The following TMC7 variants were observed in gnomAD, a reference collection of about 807,000 sequenced individuals.
TMC7 encodes the protein transmembrane channel like 7.
Under a neutral mutation model 82.9 loss-of-function variants are expected in TMC7, and 54 were observed. That is an observed-to-expected ratio of 0.65 (90% CI 0.52 to 0.82). The LOEUF is 0.82. Among genes scored for constraint, TMC7 ranks in the 40% least tolerant of loss-of-function variants. The pLI, the probability that TMC7 is intolerant of heterozygous loss-of-function variation, is 0.00. For synonymous variants in TMC7, 350 were observed against 337.9 expected, an observed-to-expected ratio of 1.04 and a Z score of -0.39; for missense variants, 820 against 901.2, an observed-to-expected ratio of 0.91 and a Z score of 1.15.
At chr16:19,016,673 A>G (rs1959713437) in intron 3 of TMC7, 75 bp downstream of exon 3, 2 of 1,482,314 alleles carry the variant, frequency 1.3e-6, no homozygotes, top group Admixed American at 4.1e-5. Flanking sequence ...CTTCGTTTCC[A>G]CTAGGGTCTA....
intron 1 of TMC7, among the ~76,000 whole-genome samples, chr16:18,990,107 A>G (rs1415982514): frequency 6.6e-6 from 1 of 152,104 alleles, no homozygotes; most frequent in African/African-American, 2.4e-5. Context: ...AAGGGTGGGG[A>G]GAATTGCAAA....
At chr16:18,988,806 C>G (rs1450944862) in intron 1 of TMC7, among the ~76,000 whole-genome samples, 1 of 152,124 alleles carries the variant, frequency 6.6e-6, no homozygotes, top group African/African-American at 2.4e-5. Context: ...TCCCAGCACT[C>G]TGGGATGCCG....
intron 13 of TMC7, among the ~76,000 whole-genome samples, chr16:19,054,957 A>T (rs897944306): frequency 9.9e-5 from 15 of 152,182 alleles, no homozygotes; most frequent in African/African-American, 3.6e-4. Flanking sequence ...CATATTGGGC[A>T]GGCTGCTCTT....
In TMC7 at chr16:19,044,929, G is replaced by A. The variant is rs147850292; in HGVS notation, c.1383G>A (p.Thr461=). 15 of 1,613,788 alleles carry A rather than the reference G, an allele frequency of 9.3e-6. No homozygotes were observed. The African/African-American group carries it at 9.4e-5, about 10-fold the overall frequency. The part of the protein sequence containing the change: ...RLATICVLVF[T]LGSKITSCDD... ...CCACCATATGTGTCCTGGTGTTCAC[G>A]CTGGGCTCCAAGATCACATCCTGTG... Residue 461 remains threonine (T), a synonymous_variant, in exon 10 of 16, where the codon ACG becomes ACA. Coordinates refer to ENST00000304381, the MANE Select transcript of TMC7 (RefSeq NM_024847.4).
intron 5 of TMC7, among the ~76,000 whole-genome samples, chr16:19,023,987 A>G (rs1451901277): frequency 6.6e-6 from 1 of 152,216 alleles, no homozygotes; most frequent in Non-Finnish European, 1.5e-5. Flanking sequence ...ATATACCTGC[A>G]TATCATGTAC....
At chr16:19,006,216 T>C (rs1201863347) in intron 1 of TMC7, among the ~76,000 whole-genome samples, 1 of 151,820 alleles carries the variant, frequency 6.6e-6, no homozygotes, top group African/African-American at 2.4e-5. Flanking sequence ...TTTTTTTTTT[T>C]TTGGACGGAG....
chr16:19,014,520 G>A (rs1959575319), intron 2 of TMC7, among the ~76,000 whole-genome samples: 1 of 152,234 alleles, frequency 6.6e-6, no homozygotes, highest in South Asian at 2.1e-4. Context: ...AGACTGGTGG[G>A]AGGGTGGAGG....
chr16:18,997,733 T>TCC (rs2039068933), intron 1 of TMC7, among the ~76,000 whole-genome samples: 1 of 145,544 alleles, frequency 6.9e-6, no homozygotes, highest in African/African-American at 2.5e-5. Context: ...TCCAGCCTTT[T>TCC]TTTTTTTTTT....
Position 19,051,718 on chromosome 16 carries a change from C to T in TMC7, c.1773C>T (p.Pro591=), listed in dbSNP as rs368039983. The change falls in exon 13 of 16, where the codon CCC becomes CCT. Residue 591 remains proline, a synonymous_variant. Coordinates refer to ENST00000304381, the MANE Select transcript of TMC7 (RefSeq NM_024847.4). ...WSLLYTCRPS[P]RPFRASNSNF... is the part of the protein sequence containing the mutation. ...TGCTTTACACCTGCAGACCCTCCCC[C>T]AGGCCGTTCAGAGCATCCAATTCTA... 9.3e-6 allele frequency: 15 copies of T among 1,614,006 alleles called. No individual in the cohort carries two copies. The highest frequency in any genetic ancestry group is 3.3e-5 in the Admixed American group (2 of 59,962).
intron 12 of TMC7, among the ~76,000 whole-genome samples, chr16:19,047,747 C>T (rs751891991): frequency 7.7e-6 from 1 of 130,544 alleles, no homozygotes; most frequent in African/African-American, 2.9e-5. Context: ...GAGTCTCGCT[C>T]TGTCATCCAG....
intron 1 of TMC7, among the ~76,000 whole-genome samples, chr16:18,997,392 C>T (rs1447715024): frequency 1.3e-5 from 2 of 151,966 alleles, no homozygotes; most frequent in East Asian, 1.9e-4. Flanking sequence ...TTTTTTGAGA[C>T]AGGGTCTCAC....
At chr16:19,014,814 T>G (rs1959593264) in intron 2 of TMC7, among the ~76,000 whole-genome samples, 1 of 152,152 alleles carries the variant, frequency 6.6e-6, no homozygotes, top group Non-Finnish European at 1.5e-5. Flanking sequence ...AACTACTTAA[T>G]TCTCCTGTTG....
rs1287255868 is a variant in TMC7 at position 19,035,435 on chromosome 16, G to A, written c.858-241G>A. On this transcript the variant is annotated intron_variant, in intron 6 of 15. Coordinates refer to ENST00000304381, the MANE Select transcript of TMC7 (RefSeq NM_024847.4). ...TCCTGAATCTAAAATAAAAGTTGGG[G>A]AAGAAAATTTGGATTTTATTCTAGC... 2.6e-5 allele frequency among the ~76,000 whole-genome samples: 4 copies of A among 152,132 alleles called. 1 individual carries two copies. The highest frequency in any genetic ancestry group is 1.5e-5 in the Non-Finnish European group (1 of 68,040).
At chr16:18,995,731 T>C (rs2039032911) in intron 1 of TMC7, among the ~76,000 whole-genome samples, 2 of 152,228 alleles carry the variant, frequency 1.3e-5, no homozygotes, top group Admixed American at 1.3e-4. Context: ...AATACGTTGC[T>C]ACTTGGCTGC....
intron 5 of TMC7, among the ~76,000 whole-genome samples, chr16:19,025,485 G>A (rs1960179060): frequency 6.6e-6 from 1 of 151,962 alleles, no homozygotes. Flanking sequence ...CAGGCATGGT[G>A]GCGGGTGCCT....
At chr16:18,994,772 T>G (rs2039011628) in intron 1 of TMC7, among the ~76,000 whole-genome samples, 1 of 152,126 alleles carries the variant, frequency 6.6e-6, no homozygotes, top group African/African-American at 2.4e-5. Flanking sequence ...TTTGGACAGC[T>G]AAAATGGGGG....
At chr16:18,990,071 G>A (rs2142114412) in intron 1 of TMC7, among the ~76,000 whole-genome samples, 1 of 152,154 alleles carries the variant, frequency 6.6e-6, no homozygotes, top group South Asian at 2.1e-4. Context: ...TTGCAGGCAG[G>A]GGTGGATCTC....
At chr16:19,037,796 A>G (rs1960823712) in intron 7 of TMC7, 78 bp from the exon 8 acceptor site, 2 of 1,450,278 alleles carry the variant, frequency 1.4e-6, no homozygotes, top group Admixed American at 3.9e-5. Flanking sequence ...ATGGATGGGG[A>G]GAGAATGATG....
chr16:19,002,876 G>C (rs1186057131), intron 1 of TMC7, among the ~76,000 whole-genome samples: 1 of 152,238 alleles, frequency 6.6e-6, no homozygotes, highest in African/African-American at 2.4e-5. Context: ...CAATTCAGTA[G>C]AATGTCTGAC....
Sources: gnomAD v4.1 joint callset for allele counts (sites outside exome capture counted in the v4.1 genomes callset) on GRCh38, gnomAD v4.1.1 for gene constraint, MANE v1.5 for transcripts, NCBI Gene and HGNC (gene_info 2026-07-23, HGNC 2026-07-21) for gene names.